The following CALB2 variants were observed in gnomAD, a reference collection of about 807,000 sequenced individuals.
CALB2 encodes calretinin.
CALB2 carries 34 observed loss-of-function variants against 45.9 expected under a neutral mutation model. That is an observed-to-expected ratio of 0.74 (90% CI 0.56 to 0.99). The LOEUF is 0.99. Ranked by LOEUF, CALB2 falls within the 50% of genes least tolerant of loss-of-function variation. The pLI is 0.00. For synonymous variants in CALB2, 142 were observed against 129.6 expected (o/e 1.10, Z -0.65); for missense variants, 344 against 339.3 (o/e 1.01, Z -0.11).
At chr16:71,379,653 G>T (rs548505317) in intron 4 of CALB2, among the ~76,000 whole-genome samples, 1 of 152,106 alleles carries the variant, frequency 6.6e-6, no homozygotes, top group Non-Finnish European at 1.5e-5. Context: ...GGCCTTCGAC[G>T]TGACTCTCTG....
At chr16:71,364,434 A>C (rs1440264747) in intron 1 of CALB2, among the ~76,000 whole-genome samples, 1 of 152,242 alleles carries the variant, frequency 6.6e-6, no homozygotes, top group Admixed American at 6.5e-5. Context: ...AAGGAGCTAG[A>C]ATTAATAGAG....
Position 71,384,398 on chromosome 16 carries a change from C to T in CALB2, c.573+20C>T. 7.2e-7 allele frequency: 1 copy of T among 1,385,010 alleles called. No homozygotes were observed. The allele number at this position is 1,385,010 out of a possible 1,614,324, so 85.8% of individuals were successfully genotyped here. ...TTTCAGGTAAAACTTTGCTTTCCTT[C>T]CTTCCCCCTTCCCTCATCCCTCTGA... is the stretch of plus-strand genomic sequence containing the variant. On this transcript the variant is annotated intron_variant, in intron 8 of 10. Transcript: ENST00000302628.
chr16:71,362,801 CT>C (rs778530223), intron 1 of CALB2, among the ~76,000 whole-genome samples: 1 of 152,196 alleles, frequency 6.6e-6, no homozygotes. Flanking sequence ...AGGGGATTTT[CT>C]TTTACTTTCT....
intron 1 of CALB2, among the ~76,000 whole-genome samples, chr16:71,363,376 TCC>T (rs2042252851): frequency 6.6e-6 from 1 of 152,076 alleles, no homozygotes; most frequent in Non-Finnish European, 1.5e-5. Flanking sequence ...AGGGACTGAG[TCC>T]TGTTCCTTAT....
chr16:71,383,525 C>A, intron 6 of CALB2, 81 bp downstream of exon 6: 1 of 1,266,100 alleles, frequency 7.9e-7, no homozygotes, highest in African/African-American at 1.5e-5. Context: ...TGCAGGGTCC[C>A]TTGTTTGCTG....
At chr16:71,385,109 A>C (rs551599321) in intron 9 of CALB2, among the ~76,000 whole-genome samples, 10 of 152,286 alleles carry the variant, frequency 6.6e-5, no homozygotes, top group African/African-American at 2.4e-4. Context: ...GTCGGGAGCC[A>C]AAGGGAAGAG....
Position 71,362,251 on chromosome 16 carries a change from C to T in CALB2, c.94+3365C>T, listed in dbSNP as rs73571827. ...TTATTTATGGTTCTGATTAGACAGG[C>T]CACCGGGCTCCTATTTTACTGACCA... On this transcript the variant is annotated intron_variant, in intron 1 of 10. Transcript: ENST00000302628. Among the ~76,000 whole-genome samples, 531 of 152,342 alleles carry T rather than the reference C, an allele frequency of 3.5e-3. 4 individuals are homozygous for T. The highest frequency in any genetic ancestry group is 0.011 in the African/African-American group (478 of 41,586).
chr16:71,384,223 G>A lies in CALB2; in HGVS notation c.534-116G>A, dbSNP rs944659239. ...TTTGAACTTCCCACTGATTCATTAT[G>A]TGTGAAGTGCTCAGAAATCATTTCT... On this transcript the variant is annotated intron_variant, in intron 7 of 10. Coordinates refer to ENST00000302628, the MANE Select transcript of CALB2 (RefSeq NM_001740.5). 31 of 1,020,194 alleles carry A rather than the reference G, an allele frequency of 3.0e-5. 2 individuals carry two copies. The Admixed American group carries it at 4.6e-4, about 15-fold the overall frequency. 63.2% of individuals were successfully genotyped at this position (1,020,194 alleles called of 1,614,324 possible). A position where few individuals can be genotyped will look rare whatever the true frequency, so the allele number is the denominator to read the frequency against.
chr16:71,379,701 A>T (rs1415324799), intron 4 of CALB2, among the ~76,000 whole-genome samples: 1 of 152,170 alleles, frequency 6.6e-6, no homozygotes, highest in African/African-American at 2.4e-5. Flanking sequence ...AGCCACCGGT[A>T]ATCCCCTCTC....
chr16:71,364,077 G>A (rs561567156), intron 1 of CALB2, among the ~76,000 whole-genome samples: 119 of 152,144 alleles, frequency 7.8e-4, no homozygotes, highest in Non-Finnish European at 1.4e-3. Flanking sequence ...CACTAACAGC[G>A]TCCTTGGGTT....
chr16:71,386,423 T>C (rs1162652051), intron 10 of CALB2, among the ~76,000 whole-genome samples: 2 of 152,204 alleles, frequency 1.3e-5, no homozygotes, highest in Non-Finnish European at 2.9e-5. Context: ...TCTGGATTGA[T>C]GAACTGCAGA....
At chr16:71,375,865 G>A (rs973729793) in intron 3 of CALB2, among the ~76,000 whole-genome samples, 1 of 152,194 alleles carries the variant, frequency 6.6e-6, no homozygotes, top group African/African-American at 2.4e-5. Flanking sequence ...ATCAGTCAGT[G>A]GATGCAGGCT....
At chr16:71,378,593 C>G (rs1247580484) in intron 4 of CALB2, among the ~76,000 whole-genome samples, 3 of 152,250 alleles carry the variant, frequency 2.0e-5, no homozygotes, top group African/African-American at 7.2e-5. Context: ...TCCAGTGACT[C>G]AGAAGCTCCA....
At chr16:71,383,063 C>G (rs1201068738) in intron 5 of CALB2, among the ~76,000 whole-genome samples, 1 of 152,176 alleles carries the variant, frequency 6.6e-6, no homozygotes, top group Non-Finnish European at 1.5e-5. Context: ...GGTCCACCTC[C>G]AAATTCCTCT....
At chr16:71,387,360 C>A (rs948151821) in intron 10 of CALB2, among the ~76,000 whole-genome samples, 2 of 152,108 alleles carry the variant, frequency 1.3e-5, no homozygotes, top group Non-Finnish European at 2.9e-5. Context: ...TCCACCTGGA[C>A]CAAGTTTCAG....
chr16:71,387,616 G>A (rs1447363807), intron 10 of CALB2, among the ~76,000 whole-genome samples: 1 of 152,170 alleles, frequency 6.6e-6, no homozygotes, highest in Non-Finnish European at 1.5e-5. Flanking sequence ...GCACTCCCAA[G>A]GCCATGGCAA....
intron 2 of CALB2, among the ~76,000 whole-genome samples, chr16:71,373,981 C>A (rs890173588): frequency 2.0e-5 from 3 of 152,206 alleles, no homozygotes; most frequent in African/African-American, 7.2e-5. Flanking sequence ...ATGTGGAAGT[C>A]ATCAGCTGAG....
intron 4 of CALB2, among the ~76,000 whole-genome samples, chr16:71,382,041 G>GAGA (rs2042499475): frequency 1.2e-5 from 1 of 81,870 alleles, no homozygotes; most frequent in African/African-American, 4.9e-5. Flanking sequence ...GGAGGAGGAG[G>GAGA]AGTAGGAGGA....
chr16:71,383,478 T>G (rs1269372909), intron 6 of CALB2, 34 bp downstream of exon 6: 2 of 1,594,262 alleles, frequency 1.3e-6, no homozygotes, highest in African/African-American at 2.7e-5. Context: ...TCCCCCAGGG[T>G]GCAGGACTTG....
Sources: allele counts gnomAD v4.1 joint callset (sites outside exome capture counted in the v4.1 genomes callset), GRCh38; gene constraint gnomAD v4.1.1; transcripts MANE v1.5; gene names NCBI Gene and HGNC (gene_info 2026-07-23, HGNC 2026-07-21).